Variants in RAI1 observed in about 807,000 individuals in gnomAD.
RAI1 encodes the protein retinoic acid induced 1, also known as retinoic acid-induced protein 1.
In RAI1, 9 loss-of-function variants were observed where a neutral mutation model predicts 123.8. The ratio of observed to expected loss-of-function variants is 0.07; its 90% CI spans 0.04 to 0.13. RAI1 has a LOEUF of 0.13. Among genes scored for constraint, RAI1 ranks in the 10% least tolerant of loss-of-function variants. RAI1 has a pLI of 1.00. For missense variants in RAI1, 2,256 were observed against 2,545.8 expected, an observed-to-expected ratio of 0.89 and a Z score of 2.45; for synonymous variants, 1,231 against 1,127.3, an observed-to-expected ratio of 1.09 and a Z score of -1.84.
chr17:17,728,862 A>G (rs1261265706), intron 2 of RAI1, among the ~76,000 whole-genome samples: 1 of 152,126 alleles, frequency 6.6e-6, no homozygotes, highest in African/African-American at 2.4e-5. Context: ...CATAGCTCCT[A>G]GCTGCCCCCA....
At chr17:17,765,968 G>A (rs918376636) in intron 2 of RAI1, 5 of 152,256 alleles carry the variant, frequency 3.3e-5, no homozygotes, top group African/African-American at 1.2e-4. Context: ...CCCAGCCTGA[G>A]CGGTAGGTGC....
rs551133405 is a variant in RAI1, at chr17:17,738,508, T to C, written c.-17+14349T>C. On this transcript the variant is annotated intron_variant, in intron 2 of 5. Coordinates refer to ENST00000353383, the MANE Select transcript of RAI1 (RefSeq NM_030665.4). ...GTGGTCCCTGCTGCCCTACACGGCC[T>C]TGGGCCTGGCCTGTCTGCGGGTGAA... Among the ~76,000 whole-genome samples the C allele has an allele frequency of 4.6e-5, 7 of 152,266 alleles. No individual in the cohort carries two copies. In the South Asian group the frequency reaches 1.5e-3, roughly 32 times the overall value.
intron 3 of RAI1, 142 bp downstream of exon 3, chr17:17,798,655 C>A: frequency 7.0e-7 from 1 of 1,421,892 alleles, no homozygotes; most frequent in African/African-American, 1.4e-5. Context: ...GAGTCCTGAG[C>A]CTCTCTGGGG....
chr17:17,752,358 G>T (rs540124435), intron 2 of RAI1, among the ~76,000 whole-genome samples: 1 of 152,324 alleles, frequency 6.6e-6, no homozygotes, highest in Non-Finnish European at 1.5e-5. Flanking sequence ...GAGCGGAAAG[G>T]GGCGGGGCTG....
chr17:17,733,212 C>T (rs75951652), intron 2 of RAI1, among the ~76,000 whole-genome samples: 1 of 152,122 alleles, frequency 6.6e-6, no homozygotes, highest in South Asian at 2.1e-4. Flanking sequence ...GAGGCAGATT[C>T]TATCTTTGAA....
intron 4 of RAI1, among the ~76,000 whole-genome samples, chr17:17,808,432 AT>A (rs1380331952): frequency 7.6e-6 from 1 of 131,944 alleles, no homozygotes; most frequent in African/African-American, 3.1e-5. Context: ...ATTTTATTTT[AT>A]TTTATTTTAT....
intron 2 of RAI1, among the ~76,000 whole-genome samples, chr17:17,731,923 A>G (rs1392282233): frequency 1.3e-5 from 2 of 152,142 alleles, no homozygotes; most frequent in Non-Finnish European, 2.9e-5. Context: ...TCCCTGAAAG[A>G]AAGCTCAGCA....
chr17:17,722,573 CTTCT>C (rs1305464901), intron 1 of RAI1, among the ~76,000 whole-genome samples: 3 of 152,212 alleles, frequency 2.0e-5, no homozygotes, highest in Non-Finnish European at 4.4e-5. Flanking sequence ...CGGTCCCGCT[CTTCT>C]TTGTCTCGGC....
At chr17:17,751,972 GT>G (rs1191570709) in intron 2 of RAI1, among the ~76,000 whole-genome samples, 2 of 151,856 alleles carry the variant, frequency 1.3e-5, no homozygotes, top group Non-Finnish European at 1.5e-5. Context: ...TTTATTTTTT[GT>G]TTTTTTAATC....
intron 3 of RAI1, among the ~76,000 whole-genome samples, chr17:17,803,067 C>T (rs1326759662): frequency 1.8e-5 from 2 of 108,206 alleles, no homozygotes; most frequent in Non-Finnish European, 3.6e-5. Context: ...CCCGGGGGGA[C>T]AGAGTGAAAT....
chr17:17,695,548 C>G (rs1302793292), intron 1 of RAI1, among the ~76,000 whole-genome samples: 1 of 146,456 alleles, frequency 6.8e-6, no homozygotes. Flanking sequence ...TTTTTTTGAG[C>G]TAGAGTCTCC....
chr17:17,752,531 C>T (rs898768060), intron 2 of RAI1, among the ~76,000 whole-genome samples: 1 of 152,206 alleles, frequency 6.6e-6, no homozygotes, highest in African/African-American at 2.4e-5. Context: ...ATGGCGGCCC[C>T]GAACAAAGGA....
chr17:17,709,503 A>C (rs2142902336), intron 1 of RAI1, among the ~76,000 whole-genome samples: 1 of 152,232 alleles, frequency 6.6e-6, no homozygotes, highest in East Asian at 1.9e-4. Flanking sequence ...TCCTGGCTGG[A>C]AGCTGACCCT....
Position 17,795,473 on chromosome 17 carries a change from G to A in RAI1, c.2525G>A (p.Arg842Gln), listed in dbSNP as rs373929990. 1.4e-5 allele frequency: 22 copies of A among 1,584,626 alleles called. No homozygotes were observed. Among genetic ancestry groups the A allele is most frequent in the South Asian group, 4.5e-5 (4 of 88,134 alleles). ...GCTGACCGGTGGCTGGAGGACAGCCGGCACTGCTGTTCCACCGCCGACTTC... is the reference window on the plus strand; with the variant it reads ...GCTGACCGGTGGCTGGAGGACAGCCAGCACTGCTGTTCCACCGCCGACTTC... ...AKADRWLEDS[R>Q]HCCSTADFGD... The change falls in exon 3 of 6, where the codon CGG (arginine) becomes CAG (glutamine). Residue 842 changes from arginine to glutamine, a missense_variant. Physicochemically the swap from Arg to Gln is conservative, Grantham distance 43. This residue lies in a region of RAI1 where 566 missense variants were observed against 616.0 expected (regional missense o/e 0.92). Coordinates refer to ENST00000353383, the MANE Select transcript of RAI1 (RefSeq NM_030665.4). This position sits in a 1 kb window ranked among gnomAD's most constrained non-coding sequence, Gnocchi z 5.9.
chr17:17,739,603 C>A (rs1427478987), intron 2 of RAI1, among the ~76,000 whole-genome samples: 1 of 152,250 alleles, frequency 6.6e-6, no homozygotes, highest in Non-Finnish European at 1.5e-5. Context: ...TTTGCTCTGT[C>A]TCAGCTCCAG....
At chr17:17,775,158 G>A (rs988573191) in intron 2 of RAI1, among the ~76,000 whole-genome samples, 3 of 151,888 alleles carry the variant, frequency 2.0e-5, no homozygotes, top group African/African-American at 4.8e-5. Context: ...ACAATGTGGG[G>A]GTTAGGGACG....
Position 17,800,032 on chromosome 17 carries a change from C to T in RAI1, c.5565+1519C>T, listed in dbSNP as rs1197675893. The stretch of plus-strand genomic sequence containing the variant: ...CTGCCCACCTCACTCCACCCTCCAC[C>T]TCAGAGGAAGGCTGGCCCCGACAGG... On this transcript the variant is annotated intron_variant, in intron 3 of 5. Transcript: ENST00000353383. The surrounding 1 kb of genome is among the most constrained non-coding windows in gnomAD (Gnocchi z 4.7). Among the ~76,000 whole-genome samples the T allele has an allele frequency of 6.6e-6, 1 of 152,184 alleles. No individual in the cohort carries two copies. Among genetic ancestry groups the T allele is most frequent in the African/African-American group, 2.4e-5 (1 of 41,452 alleles).
At chr17:17,697,913 G>A (rs1258605918) in intron 1 of RAI1, among the ~76,000 whole-genome samples, 1 of 152,222 alleles carries the variant, frequency 6.6e-6, no homozygotes, top group Non-Finnish European at 1.5e-5. Context: ...CCTGTGGTGT[G>A]AGACCTGGAT....
intron 2 of RAI1, among the ~76,000 whole-genome samples, chr17:17,727,298 A>T (rs779905134): frequency 6.6e-6 from 1 of 152,242 alleles, no homozygotes; most frequent in Non-Finnish European, 1.5e-5. Flanking sequence ...AGAGAGGGGA[A>T]GCGAGTCCCA....
Sources: gnomAD v4.1 joint callset for allele counts (sites outside exome capture counted in the v4.1 genomes callset) on GRCh38, gnomAD v4.1.1 for gene constraint, gnomAD v4.1.1 regional missense constraint, Gnocchi (gnomAD v3.1) non-coding constraint, MANE v1.5 for transcripts, NCBI Gene and HGNC (gene_info 2026-07-23, HGNC 2026-07-21) for gene names.